Variants in CNTNAP5 observed in about 807,000 individuals in gnomAD.
The protein encoded by CNTNAP5 is contactin associated protein family member 5, also known as contactin-associated protein-like 5.
Under a neutral mutation model 150.2 loss-of-function variants are expected in CNTNAP5, and 72 were observed. The ratio of observed to expected loss-of-function variants is 0.48; its 90% confidence interval spans 0.40 to 0.58. The LOEUF is 0.58. Ranked by LOEUF, CNTNAP5 falls within the 20% of genes least tolerant of loss-of-function variation. The probability of loss-of-function intolerance (pLI) is 0.00; values close to 1 mark genes in which losing one functional copy is unlikely to be tolerated. For synonymous variants in CNTNAP5, 672 were observed against 619.8 expected (o/e 1.08, Z -1.25); for missense variants, 1,636 against 1,626.2 (o/e 1.01, Z -0.10).
chr2:124,331,402 A>G (rs928794436), intron 3 of CNTNAP5, among the ~76,000 whole-genome samples: 2 of 152,088 alleles, frequency 1.3e-5, no homozygotes, highest in African/African-American at 4.8e-5. Flanking sequence ...TAGTATATCT[A>G]TGCAAGTGTA....
intron 10 of CNTNAP5, among the ~76,000 whole-genome samples, chr2:124,540,034 C>G (rs1695342171): frequency 6.6e-6 from 1 of 152,150 alleles, no homozygotes; most frequent in African/African-American, 2.4e-5. Context: ...ACACACAGAG[C>G]TAAAACAGAG....
intron 8 of CNTNAP5, among the ~76,000 whole-genome samples, chr2:124,523,827 T>A (rs1694903837): frequency 6.6e-6 from 1 of 152,220 alleles, no homozygotes; most frequent in Non-Finnish European, 1.5e-5. Flanking sequence ...ATCATTGGAA[T>A]CTAGCTTTCC....
Position 124,166,806 on chromosome 2 carries a change from T to C in CNTNAP5, c.83-54899T>C, listed in dbSNP as rs1468155516. ...ATGTCATTGGCAGAGATTAGGAGTC[T>C]GCAGAATCCAAGAAGTCCCCAAGCT... On this transcript the variant is annotated intron_variant, in intron 1 of 23. Coordinates refer to ENST00000682447, the MANE Select transcript of CNTNAP5 (RefSeq NM_001367498.1). 4.6e-5 allele frequency among the ~76,000 whole-genome samples: 7 copies of C among 152,264 alleles called. No homozygotes were observed. The East Asian group carries it at 1.2e-3, about 25-fold the overall frequency.
intron 13 of CNTNAP5, among the ~76,000 whole-genome samples, chr2:124,654,082 G>A (rs1446161318): frequency 2.0e-5 from 3 of 152,264 alleles, no homozygotes; most frequent in Admixed American, 1.3e-4. Context: ...CCTGAGTGAA[G>A]GGACAGGATG....
At chr2:124,687,172 C>G (rs1679210074) in intron 13 of CNTNAP5, among the ~76,000 whole-genome samples, 1 of 151,956 alleles carries the variant, frequency 6.6e-6, no homozygotes, top group South Asian at 2.1e-4. Context: ...CTAATTCTCT[C>G]CATGCCAGTG....
intron 1 of CNTNAP5, among the ~76,000 whole-genome samples, chr2:124,172,736 A>G (rs1244504345): frequency 5.3e-5 from 8 of 150,792 alleles, no homozygotes. Flanking sequence ...TTACTTTGGT[A>G]TGTTTGTAAA....
intron 13 of CNTNAP5, among the ~76,000 whole-genome samples, chr2:124,709,063 C>T (rs1231282085): frequency 2.0e-5 from 3 of 152,124 alleles, no homozygotes; most frequent in Non-Finnish European, 4.4e-5. Context: ...TGGGCAGTAT[C>T]TAGCACCATT....
At chr2:124,340,103 C>T (rs1689573957) in intron 3 of CNTNAP5, among the ~76,000 whole-genome samples, 2 of 152,188 alleles carry the variant, frequency 1.3e-5, no homozygotes, top group South Asian at 2.1e-4. Context: ...CTCTCATATT[C>T]ATAATCTTGT....
chr2:124,812,772 T>C (rs1389491711), intron 19 of CNTNAP5, among the ~76,000 whole-genome samples: 1 of 152,138 alleles, frequency 6.6e-6, no homozygotes, highest in East Asian at 1.9e-4. Flanking sequence ...TAAATGTATA[T>C]GATTGATGTC....
intron 12 of CNTNAP5, among the ~76,000 whole-genome samples, chr2:124,647,095 C>T (rs896193560): frequency 5.3e-5 from 8 of 152,254 alleles, no homozygotes; most frequent in Non-Finnish European, 1.2e-4. Context: ...TCTCTCACTG[C>T]CTTACCTTCT....
intron 13 of CNTNAP5, among the ~76,000 whole-genome samples, chr2:124,675,357 T>C (rs1678916444): frequency 6.6e-6 from 1 of 152,052 alleles, no homozygotes; most frequent in African/African-American, 2.4e-5. Context: ...GAATATGATG[T>C]ATATCTCATA....
intron 1 of CNTNAP5, among the ~76,000 whole-genome samples, chr2:124,120,370 T>C (rs1683533111): frequency 6.6e-6 from 1 of 152,192 alleles, no homozygotes; most frequent in Admixed American, 6.5e-5. Flanking sequence ...AGAGAACTTT[T>C]GCATCTTTGG....
At chr2:124,294,307 A>G (rs529121065) in intron 3 of CNTNAP5, among the ~76,000 whole-genome samples, 1 of 152,334 alleles carries the variant, frequency 6.6e-6, no homozygotes, top group East Asian at 1.9e-4. Context: ...GAAAAAAAAT[A>G]AGGTAATATT....
At position 124,593,174 on chromosome 2, in the gene CNTNAP5, G is replaced by A. The variant is rs1442065861; in HGVS notation, c.1757-16627G>A. On this transcript the variant is annotated intron_variant, in intron 11 of 23. Transcript: ENST00000682447. ...TTATACTTTAAGTTTTAGGGTACAT[G>A]TGCACATAGTGCAGGTTAGTTACAT... Among the ~76,000 whole-genome samples the A allele has an allele frequency of 4.1e-5, 6 of 146,662 alleles. No homozygotes were observed. In the East Asian group the frequency reaches 1.0e-3, roughly 25 times the overall value.
intron 11 of CNTNAP5, among the ~76,000 whole-genome samples, chr2:124,572,139 A>G (rs541838805): frequency 3.3e-5 from 5 of 152,150 alleles, no homozygotes; most frequent in Non-Finnish European, 7.4e-5. Context: ...CAGGAGAAAA[A>G]ACTCCAACCT....
At chr2:124,722,858 T>A (rs942925504) in intron 13 of CNTNAP5, among the ~76,000 whole-genome samples, 2 of 152,204 alleles carry the variant, frequency 1.3e-5, no homozygotes, top group Non-Finnish European at 2.9e-5. Flanking sequence ...ATAGCTCTAT[T>A]TTCCCATCCT....
At chr2:124,689,855 C>T (rs1490165030) in intron 13 of CNTNAP5, among the ~76,000 whole-genome samples, 1 of 152,060 alleles carries the variant, frequency 6.6e-6, no homozygotes, top group Non-Finnish European at 1.5e-5. Context: ...CTTCTTTTCT[C>T]TCCCATTTTG....
At chr2:124,139,263 A>AACACACACACACAC (rs3063402) in intron 1 of CNTNAP5, among the ~76,000 whole-genome samples, 1 of 149,198 alleles carries the variant, frequency 6.7e-6, no homozygotes, top group South Asian at 2.1e-4. Flanking sequence ...TTTCTACCCC[A>AACACACACACACAC]ACACACACAC....
chr2:124,671,457 T>A (rs916171372), intron 13 of CNTNAP5, among the ~76,000 whole-genome samples: 1 of 152,178 alleles, frequency 6.6e-6, no homozygotes, highest in Non-Finnish European at 1.5e-5. Context: ...AAGAAAATTA[T>A]TTTTTTAAAG....
Sources: gnomAD v4.1 joint callset for allele counts (sites outside exome capture counted in the v4.1 genomes callset) on GRCh38, gnomAD v4.1.1 for gene constraint, MANE v1.5 for transcripts, NCBI Gene and HGNC (gene_info 2026-07-23, HGNC 2026-07-21) for gene names.